SUPT3H: variants seen among roughly 807,000 people sequenced by gnomAD.
The protein encoded by SUPT3H is transcription initiation protein SPT3 homolog.
SUPT3H carries 44 observed loss-of-function variants against 44.3 expected under a neutral mutation model. That is an observed-to-expected ratio of 0.99 (90% confidence interval 0.78 to 1.28). The LOEUF (loss-of-function observed/expected upper bound fraction) is 1.28, where lower values mean the gene tolerates loss of function less well. SUPT3H is among the 50% of genes most tolerant of loss of function. SUPT3H has a pLI of 0.00. For missense variants in SUPT3H, 380 were observed against 387.1 expected (o/e 0.98, Z 0.15); for synonymous variants, 124 against 125.6 (o/e 0.99, Z 0.09).
At chr6:45,307,914 G>A (rs994350792) in intron 2 of SUPT3H, among the ~76,000 whole-genome samples, 1 of 152,306 alleles carries the variant, frequency 6.6e-6, no homozygotes, top group Middle Eastern at 3.4e-3. Flanking sequence ...AGTCCTTAAA[G>A]GACCTGATGG....
chr6:44,869,359 T>C (rs889960495), intron 10 of SUPT3H, among the ~76,000 whole-genome samples: 1 of 152,154 alleles, frequency 6.6e-6, no homozygotes, highest in Non-Finnish European at 1.5e-5. Context: ...AAAATAGCCA[T>C]GCATGCTGCT....
chr6:44,838,566 ACTTAT>A (rs1050367329), intron 10 of SUPT3H, among the ~76,000 whole-genome samples: 1 of 152,092 alleles, frequency 6.6e-6, no homozygotes, highest in Admixed American at 6.6e-5. Context: ...AGAGATCTTG[ACTTAT>A]CTTGTTTCCA....
chr6:45,076,604 T>G (rs577018436), intron 3 of SUPT3H, among the ~76,000 whole-genome samples: 1 of 152,216 alleles, frequency 6.6e-6, no homozygotes, highest in Admixed American at 6.5e-5. Flanking sequence ...AAAAATGCTT[T>G]TGTACTTGTA....
At chr6:45,177,545 T>C (rs58269426) in intron 2 of SUPT3H, among the ~76,000 whole-genome samples, 9,041 of 151,914 alleles carry the variant, frequency 0.06, 901 homozygotes, top group African/African-American at 0.2. Flanking sequence ...CAGGCCAACA[T>C]TCAGATTCAG....
chr6:45,014,356 C>A (rs1583055122), intron 5 of SUPT3H, among the ~76,000 whole-genome samples: 1 of 152,004 alleles, frequency 6.6e-6, no homozygotes, highest in Admixed American at 6.6e-5. Context: ...TAGTGGCAGG[C>A]AGGTATCAAG....
intron 2 of SUPT3H, among the ~76,000 whole-genome samples, chr6:45,201,674 G>C (rs1300306516): frequency 1.3e-5 from 2 of 151,774 alleles, no homozygotes; most frequent in Non-Finnish European, 3.0e-5. Context: ...AGGAAACACA[G>C]AATAGGACAG....
At position 45,347,766 on chromosome 6, in the gene SUPT3H, T is replaced by TA. The variant is rs575469951; in HGVS notation, c.101+17434dup. On this transcript the variant is annotated intron_variant, in intron 2 of 10. Coordinates refer to ENST00000371459, the MANE Select transcript of SUPT3H (RefSeq NM_003599.4). ...AAAAGAACTTCACAATTCTTTTTTTTAAAAAAAAAAGACGTATATTTCATT... is the reference window on the plus strand; with the variant it reads ...AAAAGAACTTCACAATTCTTTTTTTTAAAAAAAAAAAGACGTATATTTCATT... Among the ~76,000 whole-genome samples, 176 of 148,738 alleles carry TA rather than the reference T, an allele frequency of 1.2e-3. 2 individuals are homozygous for TA. The South Asian group carries it at 0.023, about 20-fold the overall frequency.
chr6:45,307,268 T>G lies in SUPT3H; in HGVS notation c.101+57933A>C, dbSNP rs1246916861. Among the ~76,000 whole-genome samples, 3 of 152,052 alleles carry G rather than the reference T, an allele frequency of 2.0e-5. No homozygotes were observed. In the East Asian group the frequency reaches 5.8e-4, roughly 29 times the overall value. ...CCCTGTCTCACAGCTTTGAAGAGAG[T>G]AGGGGTTCTCCCAGCACACAGCTGG... On this transcript the variant is annotated intron_variant, in intron 2 of 10. Transcript: ENST00000371459.
intron 9 of SUPT3H, among the ~76,000 whole-genome samples, chr6:44,948,066 C>T (rs1161986478): frequency 6.6e-6 from 1 of 152,088 alleles, no homozygotes; most frequent in South Asian, 2.1e-4. Flanking sequence ...AATCCTTTAC[C>T]CATTTCTTGT....
chr6:45,302,406 C>A (rs1782271033), intron 2 of SUPT3H, among the ~76,000 whole-genome samples: 2 of 150,278 alleles, frequency 1.3e-5, no homozygotes, highest in African/African-American at 4.9e-5. Context: ...GTCTCCAGTT[C>A]CATCCAGGTG....
chr6:45,021,199 C>T (rs1785084900), intron 3 of SUPT3H, among the ~76,000 whole-genome samples: 1 of 151,866 alleles, frequency 6.6e-6, no homozygotes, highest in South Asian at 2.1e-4. Flanking sequence ...CCATACTAAT[C>T]ACATGCACAC....
At chr6:45,194,816 A>G (rs1260212276) in intron 2 of SUPT3H, among the ~76,000 whole-genome samples, 1 of 152,160 alleles carries the variant, frequency 6.6e-6, no homozygotes, top group Non-Finnish European at 1.5e-5. Flanking sequence ...TTTAAACCCA[A>G]TCTCATCCTA....
At chr6:44,834,653 G>C (rs1769481132) in intron 10 of SUPT3H, among the ~76,000 whole-genome samples, 1 of 152,160 alleles carries the variant, frequency 6.6e-6, no homozygotes, top group South Asian at 2.1e-4. Flanking sequence ...CTAATGCCCA[G>C]AGAGAGTGAC....
intron 9 of SUPT3H, among the ~76,000 whole-genome samples, chr6:44,942,104 G>A (rs966139194): frequency 1.3e-5 from 2 of 152,016 alleles, no homozygotes; most frequent in African/African-American, 4.8e-5. Context: ...AAAATGTAAA[G>A]AATTTCTAAA....
At chr6:45,020,963 G>C (rs1289307227) in intron 3 of SUPT3H, among the ~76,000 whole-genome samples, 1 of 151,768 alleles carries the variant, frequency 6.6e-6, no homozygotes, top group Admixed American at 6.6e-5. Flanking sequence ...ATACTCATGT[G>C]AGCAATGGTT....
chr6:45,266,182 A>G (rs929593345), intron 2 of SUPT3H, among the ~76,000 whole-genome samples: 1 of 151,942 alleles, frequency 6.6e-6, no homozygotes, highest in Non-Finnish European at 1.5e-5. Context: ...TAAGAAAGAG[A>G]AAAGCCACAA....
At chr6:44,867,638 A>C (rs1775715720) in intron 10 of SUPT3H, among the ~76,000 whole-genome samples, 1 of 152,154 alleles carries the variant, frequency 6.6e-6, no homozygotes, top group South Asian at 2.1e-4. Flanking sequence ...GTGCAAGTCT[A>C]TAACAAACCT....
rs747882813 is a variant in SUPT3H, at chr6:45,003,644, G to A, written c.504+9C>T. 1 of 1,612,658 alleles carries A rather than the reference G, an allele frequency of 6.2e-7. No individual in the cohort carries two copies. The highest frequency in any genetic ancestry group is 1.3e-5 in the African/African-American group (1 of 74,926). ...TCTATTTCTGTAAAAAGGGAAGAAT[G>A]TACTATACCTCCATTCTTTCTTGTT... On this transcript the variant is annotated intron_variant, in intron 6 of 10. Transcript: ENST00000371459.
At chr6:45,077,588 C>G (rs1795163158) in intron 3 of SUPT3H, among the ~76,000 whole-genome samples, 1 of 131,902 alleles carries the variant, frequency 7.6e-6, no homozygotes, top group Admixed American at 9.1e-5. Context: ...AATCGTGCCA[C>G]TGCACTCCAG....
Sources: allele counts gnomAD v4.1 joint callset (sites outside exome capture counted in the v4.1 genomes callset), GRCh38; gene constraint gnomAD v4.1.1; transcripts MANE v1.5; gene names NCBI Gene and HGNC (gene_info 2026-07-23, HGNC 2026-07-21).